The following CNIH3 variants were observed in gnomAD, a reference collection of about 807,000 sequenced individuals.
CNIH3 encodes protein cornichon homolog 3.
In CNIH3, 14 loss-of-function variants were observed where a neutral mutation model predicts 24.1. The observed-to-expected ratio is 0.58, with a 90% CI of 0.38 to 0.91. The LOEUF (loss-of-function observed/expected upper bound fraction) is 0.91, where lower values mean the gene tolerates loss of function less well. CNIH3 is among the 40% of genes least tolerant of loss of function. The pLI is 0.00. For synonymous variants in CNIH3, 68 were observed against 73.8 expected, an observed-to-expected ratio of 0.92 and a Z score of 0.40; for missense variants, 178 against 196.8, an observed-to-expected ratio of 0.90 and a Z score of 0.57.
chr1:224,735,897 C>A (rs1689571570), intron 5 of CNIH3, among the ~76,000 whole-genome samples: 1 of 151,854 alleles, frequency 6.6e-6, no homozygotes, highest in Admixed American at 6.6e-5. Context: ...AACTCTTGGG[C>A]CCAAGTGACC....
At chr1:224,498,499 T>C (rs1677523899) in intron 1 of CNIH3, among the ~76,000 whole-genome samples, 1 of 152,198 alleles carries the variant, frequency 6.6e-6, no homozygotes, top group Non-Finnish European at 1.5e-5. Context: ...GGGAAACCAA[T>C]GGACAGAAGC....
At chr1:224,646,141 C>CA (rs1553280736) in intron 1 of CNIH3, among the ~76,000 whole-genome samples, 78,354 of 152,022 alleles carry the variant, frequency 0.52, 20,886 homozygotes, top group East Asian at 0.74. Flanking sequence ...CGTAAGACAG[C>CA]AGAGGTTTTC....
chr1:224,735,879 A>G (rs1689570468), intron 5 of CNIH3, among the ~76,000 whole-genome samples: 1 of 151,306 alleles, frequency 6.6e-6, no homozygotes, highest in Admixed American at 6.6e-5. Context: ...TTGCCCAGGC[A>G]GGTCTTGAAC....
intron 1 of CNIH3, among the ~76,000 whole-genome samples, chr1:224,636,875 A>AT (rs1228563819): frequency 6.6e-6 from 1 of 151,480 alleles, no homozygotes; most frequent in African/African-American, 2.4e-5. Context: ...TAAGATTTTT[A>AT]TTTATCTATC....
chr1:224,540,326 A>G (rs1679465031), downstream of CNIH3, among the ~76,000 whole-genome samples: 1 of 152,304 alleles, frequency 6.6e-6, no homozygotes, highest in East Asian at 1.9e-4. Context: ...AAACCCTTCA[A>G]TTTTACTCAA....
chr1:224,540,978 T>C (rs1404644268), downstream of CNIH3, among the ~76,000 whole-genome samples: 1 of 152,206 alleles, frequency 6.6e-6, no homozygotes, highest in Non-Finnish European at 1.5e-5. Flanking sequence ...AAAAATGGTA[T>C]TATAAATGCA....
chr1:224,494,081 G>T (rs765590751), intron 1 of CNIH3, among the ~76,000 whole-genome samples: 15 of 152,178 alleles, frequency 9.9e-5, no homozygotes, highest in Non-Finnish European at 2.2e-4. Flanking sequence ...AGCCTTAAAA[G>T]CCACCAGGGT....
rs1420706135 is a variant in CNIH3 at position 224,458,157 on chromosome 1, G to T, written n.203+23295G>T. Among the ~76,000 whole-genome samples the T allele has an allele frequency of 6.6e-6, 1 of 152,178 alleles. No homozygotes were observed. The highest frequency in any genetic ancestry group is 1.5e-5 in the Non-Finnish European group (1 of 68,028). On this transcript the variant is annotated intron_variant and non_coding_transcript_variant, in intron 1 of 5. Transcript: ENST00000471578. This position sits in a 1 kb window ranked among gnomAD's most constrained non-coding sequence, Gnocchi z 4.3. ...TTGAATGTATTAAGGAGTGACGTAC[G>T]GCTGGATTCACTCTGATCTCATTCA...
chr1:224,648,601 T>C (rs1181149835), intron 1 of CNIH3, among the ~76,000 whole-genome samples: 1 of 152,050 alleles, frequency 6.6e-6, no homozygotes, highest in Non-Finnish European at 1.5e-5. Context: ...AAGCACACTG[T>C]TTGGGCTTGG....
At chr1:224,679,164 A>G (rs1397126600) in intron 1 of CNIH3, among the ~76,000 whole-genome samples, 1 of 152,154 alleles carries the variant, frequency 6.6e-6, no homozygotes, top group African/African-American at 2.4e-5. Flanking sequence ...CTAAAAATAT[A>G]AAAATTTTTT....
At chr1:224,642,679 C>T (rs1684416903) in intron 1 of CNIH3, among the ~76,000 whole-genome samples, 2 of 152,204 alleles carry the variant, frequency 1.3e-5, no homozygotes, top group South Asian at 4.1e-4. Flanking sequence ...TTCTGGGTGA[C>T]TCAAGCTCTC....
At chr1:224,651,290 T>C (rs894174952) in intron 1 of CNIH3, among the ~76,000 whole-genome samples, 3 of 152,232 alleles carry the variant, frequency 2.0e-5, no homozygotes, top group African/African-American at 7.2e-5. Flanking sequence ...AGTGCAGGAA[T>C]AAGGAAACTA....
intron 3 of CNIH3, among the ~76,000 whole-genome samples, chr1:224,608,252 T>C (rs944991275): frequency 6.6e-6 from 1 of 152,222 alleles, no homozygotes; most frequent in Non-Finnish European, 1.5e-5. Flanking sequence ...TGGGATTTTA[T>C]ATGAGGGCAT....
chr1:224,588,970 T>TTTTTTTTTC (rs1266279597), downstream of CNIH3, among the ~76,000 whole-genome samples: 2 of 146,086 alleles, frequency 1.4e-5, no homozygotes, highest in African/African-American at 5.1e-5. Flanking sequence ...GACCCCCTGT[T>TTTTTTTTTC]TTTTTTTTTT....
intron 3 of CNIH3, among the ~76,000 whole-genome samples, chr1:224,723,905 T>A (rs1317630018): frequency 2.0e-5 from 3 of 152,134 alleles, no homozygotes; most frequent in Non-Finnish European, 4.4e-5. Context: ...GTCATATTAA[T>A]TTTATGGTGA....
At chr1:224,644,354 G>A (rs527977856) in intron 1 of CNIH3, among the ~76,000 whole-genome samples, 33 of 152,158 alleles carry the variant, frequency 2.2e-4, no homozygotes, top group South Asian at 1.9e-3. Flanking sequence ...GGGACTACAG[G>A]GGTGTGCCTC....
intron 3 of CNIH3, among the ~76,000 whole-genome samples, chr1:224,562,793 C>T (rs886479249): frequency 1.3e-5 from 2 of 152,166 alleles, no homozygotes; most frequent in Admixed American, 6.5e-5. Context: ...CTTCCTCTTC[C>T]ACTGCAACTG....
intron 3 of CNIH3, among the ~76,000 whole-genome samples, chr1:224,599,525 C>T (rs957315375): frequency 4.6e-5 from 7 of 151,806 alleles, no homozygotes; most frequent in Non-Finnish European, 8.8e-5. Flanking sequence ...AATAATTTGT[C>T]ATTTAAATTA....
intron 3 of CNIH3, among the ~76,000 whole-genome samples, chr1:224,687,385 A>G (rs1429327827): frequency 2.0e-5 from 3 of 152,082 alleles, no homozygotes; most frequent in African/African-American, 4.8e-5. Context: ...GGCATGCACC[A>G]CCATGCCTGG....
Sources: allele counts gnomAD v4.1 joint callset (sites outside exome capture counted in the v4.1 genomes callset), GRCh38; gene constraint gnomAD v4.1.1; non-coding constraint Gnocchi (gnomAD v3.1); transcripts MANE v1.5; gene names NCBI Gene and HGNC (gene_info 2026-07-23, HGNC 2026-07-21).